Variants in TUBGCP3 observed in about 807,000 individuals in gnomAD.
TUBGCP3 encodes the protein gamma-tubulin complex component 3.
In TUBGCP3, 50 loss-of-function variants were observed where a neutral mutation model predicts 123.1. The ratio of observed to expected loss-of-function variants is 0.41; its 90% CI spans 0.32 to 0.51. TUBGCP3 has a LOEUF of 0.51. TUBGCP3 is among the 20% of genes least tolerant of loss of function. The pLI, the probability that TUBGCP3 is intolerant of heterozygous loss-of-function variation, is 0.36. For missense variants in TUBGCP3, 882 were observed against 1,127.0 expected, an observed-to-expected ratio of 0.78 and a Z score of 3.11; for synonymous variants, 405 against 413.9, an observed-to-expected ratio of 0.98 and a Z score of 0.26.
chr13:112,492,205 C>G (rs1158623763), intron 20 of TUBGCP3, among the ~76,000 whole-genome samples: 1 of 152,180 alleles, frequency 6.6e-6, no homozygotes, highest in East Asian at 1.9e-4. Context: ...ATTCATATCT[C>G]TAACATCTTT....
chr13:112,546,144 G>C, intron 10 of TUBGCP3: 1 of 349,478 alleles, frequency 2.9e-6, no homozygotes, highest in South Asian at 5.9e-5. Context: ...GCAAAAAATT[G>C]CCGGCTACAC....
intron 21 of TUBGCP3, among the ~76,000 whole-genome samples, chr13:112,487,109 G>A (rs1879739204): frequency 6.6e-6 from 1 of 151,718 alleles, no homozygotes; most frequent in African/African-American, 2.4e-5. Flanking sequence ...GTGTATCACT[G>A]CCTTTTTAGG....
In TUBGCP3 at chr13:112,565,172, C is replaced by T. The variant is rs777071272; in HGVS notation, c.191G>A (p.Arg64Gln). The change falls in exon 3 of 22, where the codon CGA becomes CAA. Residue 64 changes from arginine to glutamine, a missense_variant. Transcript: ENST00000261965. The stretch of plus-strand genomic sequence containing the variant: ...TGCAGCATCTGCTTCTCTTCGTTGT[C>T]GAATAACTGAAAAGACAGAAAAAAA... Reference protein sequence around the residue: ...VAEKIKKELIRQRREADAALF... With the variant: ...VAEKIKKELIQQRREADAALF... The T allele has an allele frequency of 1.6e-5, 26 of 1,612,316 alleles. No individual in the cohort carries two copies. The highest frequency in any genetic ancestry group is 6.7e-5 in the East Asian group (3 of 44,806).
intron 1 of TUBGCP3, among the ~76,000 whole-genome samples, chr13:112,584,398 T>C (rs1882470331): frequency 6.6e-6 from 1 of 152,258 alleles, no homozygotes; most frequent in Non-Finnish European, 1.5e-5. Context: ...GAAGTTTTAA[T>C]ACACATCTAA....
chr13:112,585,478 G>A (rs1882542727), intron 1 of TUBGCP3, among the ~76,000 whole-genome samples: 1 of 152,152 alleles, frequency 6.6e-6, no homozygotes, highest in African/African-American at 2.4e-5. Flanking sequence ...ATTCAGAGAG[G>A]GCCGGGCGCA....
chr13:112,562,629 A>G (rs1756012186), intron 3 of TUBGCP3, among the ~76,000 whole-genome samples: 1 of 152,166 alleles, frequency 6.6e-6, no homozygotes, highest in African/African-American at 2.4e-5. Context: ...AGTGGGCAGG[A>G]GTGGGTAGAG....
chr13:112,517,084 T>C (rs534907179), intron 16 of TUBGCP3, among the ~76,000 whole-genome samples: 4 of 152,312 alleles, frequency 2.6e-5, no homozygotes, highest in African/African-American at 9.6e-5. Flanking sequence ...TGGTGAGAAC[T>C]CAGCTCACTG....
At position 112,516,615 on chromosome 13, in the gene TUBGCP3, G is replaced by GT. The variant is rs1195545614; in HGVS notation, c.1951-41dup. The GT allele has an allele frequency of 8.1e-6, 13 of 1,600,040 alleles. No homozygotes were observed. In the Admixed American group the frequency reaches 1.2e-4, roughly 15 times the overall value. ...GAAGACAAGTTGATAGTATTCCCACGTAAGAATCCTCTCAGTACAGGTCTC... is the reference window on the plus strand; with the variant it reads ...GAAGACAAGTTGATAGTATTCCCACGTTAAGAATCCTCTCAGTACAGGTCTC... On this transcript the variant is annotated intron_variant, in intron 16 of 21. Coordinates refer to ENST00000261965, the MANE Select transcript of TUBGCP3 (RefSeq NM_006322.6).
intron 21 of TUBGCP3, among the ~76,000 whole-genome samples, chr13:112,488,725 A>G (rs12874399): frequency 0.036 from 3,193 of 88,924 alleles, 58 homozygotes; most frequent in Non-Finnish European, 0.051. Context: ...GGAGCACAGG[A>G]GCCACCCCCA....
intron 1 of TUBGCP3, among the ~76,000 whole-genome samples, chr13:112,579,511 CA>C (rs1882123690): frequency 7.4e-6 from 1 of 135,362 alleles, no homozygotes; most frequent in Non-Finnish European, 1.6e-5. Flanking sequence ...TGCTGAGTGT[CA>C]GGGGGCCACG....
At chr13:112,535,340 T>C (rs1877955656) in intron 11 of TUBGCP3, among the ~76,000 whole-genome samples, 1 of 152,186 alleles carries the variant, frequency 6.6e-6, no homozygotes, top group African/African-American at 2.4e-5. Context: ...GGTAAATCCA[T>C]ATTTAATTTT....
chr13:112,591,310 G>A (rs1264396117), upstream of TUBGCP3, among the ~76,000 whole-genome samples: 2 of 152,210 alleles, frequency 1.3e-5, no homozygotes, highest in Admixed American at 6.5e-5. Context: ...AACCAACAAG[G>A]ATGAGAAGAA....
chr13:112,506,915 T>C (rs1285092868), intron 17 of TUBGCP3, among the ~76,000 whole-genome samples: 4 of 152,228 alleles, frequency 2.6e-5, no homozygotes, highest in Non-Finnish European at 4.4e-5. Context: ...AGAGCTCAAA[T>C]GAGAGGACTG....
intron 2 of TUBGCP3, among the ~76,000 whole-genome samples, chr13:112,565,593 T>C (rs745332567): frequency 6.6e-6 from 1 of 152,226 alleles, no homozygotes; most frequent in Admixed American, 6.5e-5. Context: ...ACAATATTCA[T>C]GGTCATTCAT....
intron 19 of TUBGCP3, among the ~76,000 whole-genome samples, chr13:112,501,642 G>A (rs1039971698): frequency 1.3e-5 from 2 of 152,156 alleles, no homozygotes; most frequent in Admixed American, 6.5e-5. Flanking sequence ...ATAATAGATT[G>A]TTTTAATCTG....
Position 112,556,187 on chromosome 13 carries a change from G to A in TUBGCP3, c.586C>T (p.Arg196Ter), listed in dbSNP as rs1880024185. 1.9e-6 allele frequency: 3 copies of A among 1,613,948 alleles called. No individual in the cohort carries two copies. The highest frequency in any genetic ancestry group is 2.5e-6 in the Non-Finnish European group (3 of 1,180,020). ...NQAPGVGDCL[R>*]QQLGSRLAWT... is the part of the protein sequence containing the mutation. ...GCGAGTCGTGACCCCAACTGCTGTCGAAGGCAATCTCCTACTCCTGGAGCT... is the reference window on the plus strand; with the variant it reads ...GCGAGTCGTGACCCCAACTGCTGTCAAAGGCAATCTCCTACTCCTGGAGCT... The change falls in exon 6 of 22, where the codon CGA becomes TGA. Residue 196 changes from arginine to a stop codon, truncating the protein, a stop_gained. Transcript: ENST00000261965. LOFTEE classifies it high-confidence loss of function.
At chr13:112,505,946 G>C (rs949750302) in intron 17 of TUBGCP3, among the ~76,000 whole-genome samples, 5 of 152,136 alleles carry the variant, frequency 3.3e-5, no homozygotes, top group African/African-American at 1.2e-4. Context: ...TAGAATTCTC[G>C]AACACAGAGG....
Position 112,558,177 on chromosome 13 carries a change from C to A in TUBGCP3, c.548+19G>T, listed in dbSNP as rs1880203126. The A allele has an allele frequency of 1.2e-6, 2 of 1,601,142 alleles. No homozygotes were observed. The highest frequency in any genetic ancestry group is 1.3e-5 in the African/African-American group (1 of 74,806). On this transcript the variant is annotated intron_variant, in intron 5 of 21. Transcript: ENST00000261965. ...GTTTCTAACACATAGAGAATCTATA[C>A]ACGTCAGTGTGGCCTTACCCTGGGA...
At chr13:112,498,329 G>A (rs544492428) in intron 20 of TUBGCP3, among the ~76,000 whole-genome samples, 3 of 152,220 alleles carry the variant, frequency 2.0e-5, no homozygotes, top group East Asian at 3.9e-4. Flanking sequence ...GAGGTATCTC[G>A]GAGAGGGGAT....
Sources: allele counts gnomAD v4.1 joint callset (sites outside exome capture counted in the v4.1 genomes callset), GRCh38; gene constraint gnomAD v4.1.1; transcripts MANE v1.5; gene names NCBI Gene and HGNC (gene_info 2026-07-23, HGNC 2026-07-21).